The following NCOR2 variants were observed in gnomAD, a reference collection of about 807,000 sequenced individuals.
NCOR2 encodes the protein nuclear receptor corepressor 2.
A neutral mutation model predicts 262.9 loss-of-function variants in NCOR2; 81 were observed. The observed-to-expected ratio is 0.31, with a 90% CI of 0.26 to 0.37. The LOEUF is 0.37. Ranked by LOEUF, NCOR2 falls within the 10% of genes least tolerant of loss-of-function variation. The pLI is 1.00. For synonymous variants in NCOR2, 1,659 were observed against 1,559.3 expected, an observed-to-expected ratio of 1.06 and a Z score of -1.51; for missense variants, 3,385 against 3,621.4, an observed-to-expected ratio of 0.93 and a Z score of 1.68.
rs186573299 is a variant in NCOR2 at position 124,332,649 on chromosome 12, G to A, written c.6756-182C>T. Among the ~76,000 whole-genome samples, 290 of 152,232 alleles carry A rather than the reference G, an allele frequency of 1.9e-3. 1 individual carries two copies. The highest frequency in any genetic ancestry group is 6.7e-3 in the African/African-American group (279 of 41,540). ...CTGAAATCTCCTCTGCGGTTCACCC[G>A]TCCTGGGGCTAGGGGTGTCTTGGGA... On this transcript the variant is annotated intron_variant, in intron 42 of 46. Transcript: ENST00000405201.
chr12:124,362,131 T>G lies in NCOR2; in HGVS notation c.3095A>C (p.Lys1032Thr), dbSNP rs764725873. 8 of 1,300,518 alleles carry G rather than the reference T, an allele frequency of 6.2e-6. No individual in the cohort carries two copies. The Admixed American group carries it at 1.5e-4, about 24-fold the overall frequency. The allele number at this position is 1,300,518 out of a possible 1,614,324, so 80.6% of individuals were successfully genotyped here. Reference sequence around the variant, plus strand: ...AGCCACTGGTGTGCACTCACCCTCCTTGTCGGCGGGGGGTGCCGGGCTCCT... The same window carrying G: ...AGCCACTGGTGTGCACTCACCCTCCGTGTCGGCGGGGGGTGCCGGGCTCCT... The change falls in exon 22 of 47, where the codon AAG becomes ACG. Residue 1032 changes from lysine (K) to threonine (T), a missense_variant. This residue lies in a region of NCOR2 where 1,615 missense variants were observed against 1,626.9 expected (regional missense o/e 0.99). Coordinates refer to ENST00000405201, the Ensembl canonical transcript of NCOR2.
intron 22 of NCOR2, among the ~76,000 whole-genome samples, chr12:124,358,310 C>A (rs1017039438): frequency 1.1e-5 from 1 of 93,776 alleles, no homozygotes; most frequent in African/African-American, 4.6e-5. Context: ...CGTGTATGTG[C>A]GTGTGTGTGA....
chr12:124,433,873 C>CACACACACACACACACAA (rs2044151727), intron 8 of NCOR2, among the ~76,000 whole-genome samples: 1 of 96,298 alleles, frequency 1.0e-5, no homozygotes, highest in Non-Finnish European at 1.9e-5. Flanking sequence ...CACACACACA[C>CACACACACACACACACAA]ACACACACAC....
intron 17 of NCOR2, among the ~76,000 whole-genome samples, chr12:124,380,201 C>T (rs1461196976): frequency 1.3e-5 from 2 of 152,342 alleles, no homozygotes; most frequent in Admixed American, 6.5e-5. Context: ...AGCCCTTCAC[C>T]GTGGCCAGGC....
At chr12:124,449,702 G>A (rs563959174) in intron 7 of NCOR2, 113 bp downstream of exon 9, 5 of 1,251,606 alleles carry the variant, frequency 4.0e-6, no homozygotes, top group Middle Eastern at 1.9e-4. Context: ...GGCCCTGGCC[G>A]GGAGCCCCTG....
chr12:124,328,186 G>A (rs904137838), intron 44 of NCOR2, among the ~76,000 whole-genome samples: 10 of 56,222 alleles, frequency 1.8e-4, no homozygotes, highest in Admixed American at 1.7e-3. Flanking sequence ...TCCTCCCGCT[G>A]CCCCACCTCC....
upstream of NCOR2, among the ~76,000 whole-genome samples, chr12:124,497,241 G>A (rs536742103): frequency 2.4e-3 from 360 of 152,326 alleles, 2 homozygotes; most frequent in African/African-American, 8.3e-3. This position sits in a 1 kb window ranked among gnomAD's most constrained non-coding sequence, Gnocchi z 4.2. Context: ...AAGGAATTCC[G>A]GAGCCAAGAC....
intron 1 of NCOR2, among the ~76,000 whole-genome samples, chr12:124,559,507 C>T (rs1414476606): frequency 6.6e-6 from 1 of 152,232 alleles, no homozygotes; most frequent in East Asian, 1.9e-4. Flanking sequence ...GGTTAAGACA[C>T]TCCACAGGGC....
In NCOR2 at chr12:124,483,812, G is replaced by A; in HGVS notation, c.234-39C>T. ...GGCATCCAACGTCACATAGGAGATT[G>A]CGGCTCTGAGAACTCCCGAGGCCCC... On this transcript the variant is annotated intron_variant, in intron 2 of 46. Transcript: ENST00000405201. The surrounding 1 kb of genome is among the most constrained non-coding windows in gnomAD (Gnocchi z 6.3). 1 of 1,527,624 alleles carries A rather than the reference G, an allele frequency of 6.5e-7. No homozygotes were observed. Among genetic ancestry groups the A allele is most frequent in the Non-Finnish European group, 8.8e-7 (1 of 1,136,270 alleles). 94.6% of individuals were successfully genotyped at this position (1,527,624 alleles called of 1,614,324 possible). A position where few individuals can be genotyped will look rare whatever the true frequency, so the allele number is the denominator to read the frequency against.
chr12:124,350,268 G>A (rs1309431456), intron 28 of NCOR2, among the ~76,000 whole-genome samples: 2 of 152,170 alleles, frequency 1.3e-5, no homozygotes, highest in East Asian at 3.9e-4. Context: ...GAGAGAGTGC[G>A]TGGTTTGTCA....
chr12:124,335,240 G>T (rs772732000), exon 40 of NCOR2: 1 of 1,608,960 alleles, frequency 6.2e-7, no homozygotes, highest in East Asian at 2.2e-5. Flanking sequence ...GCGGCCGCAG[G>T]TGTGGGAGGT....
intron 7 of NCOR2, among the ~76,000 whole-genome samples, chr12:124,446,731 T>G (rs1285535857): frequency 6.6e-6 from 1 of 152,198 alleles, no homozygotes; most frequent in Non-Finnish European, 1.5e-5. Flanking sequence ...TGAAATTTAA[T>G]GATAACCAGA....
At chr12:124,490,554 C>CA (rs1028428699) in intron 1 of NCOR2, among the ~76,000 whole-genome samples, 1 of 152,168 alleles carries the variant, frequency 6.6e-6, no homozygotes, top group African/African-American at 2.4e-5. Flanking sequence ...AACCATCCCT[C>CA]AACAGCCTCT....
chr12:124,325,136 C>G (rs1566339742), exon 47 of NCOR2: 1 of 316,016 alleles, frequency 3.2e-6, no homozygotes, highest in Non-Finnish European at 5.8e-6. Context: ...GCCGTGCCCC[C>G]TCCCCGGCCC....
rs2136697601 is a variant in NCOR2, at chr12:124,472,814, A to G, written c.591+138T>C. ...AAGTTCTGTGGATGTGCTCCTGTCC[A>G]ATAAACGTAAAGGGCATAAAAACCA... On this transcript the variant is annotated intron_variant, in intron 4 of 46. Transcript: ENST00000405201. 6 of 1,114,526 alleles carry G rather than the reference A, an allele frequency of 5.4e-6. 1 individual carries two copies. In the East Asian group the frequency reaches 1.2e-4, roughly 22 times the overall value. 69.0% of individuals were successfully genotyped at this position (1,114,526 alleles called of 1,614,324 possible). A position where few individuals can be genotyped will look rare whatever the true frequency, so the allele number is the denominator to read the frequency against.
Position 124,355,164 on chromosome 12 carries a change from GT to G in NCOR2, c.3382-226del, listed in dbSNP as rs552660916. On this transcript the variant is annotated intron_variant, in intron 24 of 46. Coordinates refer to ENST00000405201, the Ensembl canonical transcript of NCOR2. Reference sequence around the variant, plus strand: ...CTTGCATTTGCCCTTCCATTTCGCAGTGGGGGAAACAGGAGGTTAAGTAACT... The same window carrying G: ...CTTGCATTTGCCCTTCCATTTCGCAGGGGGGAAACAGGAGGTTAAGTAACT... The G allele has an allele frequency of 1.3e-5, 8 of 613,696 alleles. No individual in the cohort carries two copies. In the South Asian group the frequency reaches 1.4e-4, roughly 11 times the overall value. 38.0% of individuals were successfully genotyped at this position (613,696 alleles called of 1,614,324 possible).
chr12:124,407,369 A>C (rs917256955), intron 13 of NCOR2, among the ~76,000 whole-genome samples: 1 of 152,250 alleles, frequency 6.6e-6, no homozygotes, highest in African/African-American at 2.4e-5. Context: ...GCAGAGCAGG[A>C]GGCCTCTGCG....
intron 13 of NCOR2, among the ~76,000 whole-genome samples, chr12:124,403,922 C>A (rs557998032): frequency 4.6e-5 from 7 of 152,302 alleles, no homozygotes; most frequent in African/African-American, 1.7e-4. Flanking sequence ...GAATCCCTTG[C>A]CACCATGTTC....
intron 37 of NCOR2, among the ~76,000 whole-genome samples, chr12:124,338,212 A>T (rs2036053477): frequency 6.6e-6 from 1 of 152,208 alleles, no homozygotes. Flanking sequence ...AGTTGCCTCT[A>T]AATAGGTCCT....
Sources: allele counts gnomAD v4.1 joint callset (sites outside exome capture counted in the v4.1 genomes callset), GRCh38; gene constraint gnomAD v4.1.1; regional missense constraint gnomAD v4.1.1; non-coding constraint Gnocchi (gnomAD v3.1); transcripts MANE v1.5; gene names NCBI Gene and HGNC (gene_info 2026-07-23, HGNC 2026-07-21).